Variants in PIWIL1 observed in about 807,000 individuals in gnomAD.
The protein encoded by PIWIL1 is piwi like RNA-mediated gene silencing 1.
A neutral mutation model predicts 114.4 loss-of-function variants in PIWIL1; 73 were observed. That is an observed-to-expected ratio of 0.64 (90% confidence interval 0.53 to 0.78). The LOEUF (loss-of-function observed/expected upper bound fraction) is 0.78, where lower values mean the gene tolerates loss of function less well. Among genes scored for constraint, PIWIL1 ranks in the 30% least tolerant of loss-of-function variants. The pLI, the probability that PIWIL1 is intolerant of heterozygous loss-of-function variation, is 0.00. For synonymous variants in PIWIL1, 375 were observed against 369.0 expected (o/e 1.02, Z -0.19); for missense variants, 723 against 1,063.1 (o/e 0.68, Z 4.45).
At chr12:130,368,291 A>T (rs374751003) in intron 19 of PIWIL1, among the ~76,000 whole-genome samples, 12 of 152,160 alleles carry the variant, frequency 7.9e-5, no homozygotes, top group Admixed American at 3.3e-4. Flanking sequence ...GGCGACTTTA[A>T]GAGGATAAAG....
chr12:130,355,772 G>A (rs554611973), intron 12 of PIWIL1, 105 bp downstream of exon 12: 23 of 774,900 alleles, frequency 3.0e-5, no homozygotes, highest in South Asian at 6.1e-5. Context: ...TGCAAGCTCC[G>A]AGTAAGGCAG....
chr12:130,360,712 C>T (rs1050912377), intron 14 of PIWIL1, among the ~76,000 whole-genome samples: 1 of 152,184 alleles, frequency 6.6e-6, no homozygotes, highest in Admixed American at 6.5e-5. Context: ...AGATCAGGCG[C>T]TCTGTTTTGT....
chr12:130,380,827 CTTG>C, the PIWIL1 span, among the ~76,000 whole-genome samples: 10 of 152,204 alleles, frequency 6.6e-5, no homozygotes, highest in African/African-American at 2.2e-4. Flanking sequence ...GAAAGTCTCT[CTTG>C]TTGTTGGGGT....
intron 3 of PIWIL1, among the ~76,000 whole-genome samples, chr12:130,345,025 C>T (rs2136131542): frequency 6.6e-6 from 1 of 152,280 alleles, no homozygotes; most frequent in Middle Eastern, 3.4e-3. Flanking sequence ...AATTTTAATG[C>T]TTGACTACAA....
At chr12:130,406,133 A>G in the PIWIL1 span, 1 of 1,275,228 alleles carries the variant, frequency 7.8e-7, no homozygotes. Flanking sequence ...ATGAAAATAC[A>G]AAAATCAAAT....
the PIWIL1 span, among the ~76,000 whole-genome samples, chr12:130,386,197 T>G: frequency 6.6e-6 from 1 of 152,178 alleles, no homozygotes; most frequent in Non-Finnish European, 1.5e-5. Context: ...TCATTTTTAC[T>G]TTTAGAAAGG....
At chr12:130,392,436 C>A in the PIWIL1 span, among the ~76,000 whole-genome samples, 1 of 3,606 alleles carries the variant, frequency 2.8e-4, no homozygotes. Flanking sequence ...ACCGTCATCA[C>A]GTGTCTGTCA....
At chr12:130,418,093 C>T in the PIWIL1 span, among the ~76,000 whole-genome samples, 9 of 152,258 alleles carry the variant, frequency 5.9e-5, no homozygotes, top group South Asian at 8.3e-4. Flanking sequence ...AGAACCAAAC[C>T]GTTTGGCCTC....
At chr12:130,373,756 A>G (rs2073845798), downstream of PIWIL1, among the ~76,000 whole-genome samples, 1 of 152,154 alleles carries the variant, frequency 6.6e-6, no homozygotes, top group African/African-American at 2.4e-5. Context: ...CGTCTTGGTT[A>G]TGCCTCTGCT....
At chr12:130,404,386 C>T in the PIWIL1 span, among the ~76,000 whole-genome samples, 3 of 152,180 alleles carry the variant, frequency 2.0e-5, no homozygotes, top group African/African-American at 7.2e-5. Context: ...CAACCTCCAC[C>T]TCCTGGGTTC....
the PIWIL1 span, among the ~76,000 whole-genome samples, chr12:130,400,270 A>G: frequency 6.6e-6 from 1 of 152,184 alleles, no homozygotes; most frequent in Non-Finnish European, 1.5e-5. Flanking sequence ...CTTGAGCGCT[A>G]CTGGTCTACT....
chr12:130,360,612 A>G (rs751926348), intron 14 of PIWIL1, among the ~76,000 whole-genome samples: 9 of 152,182 alleles, frequency 5.9e-5, no homozygotes, highest in Non-Finnish European at 1.2e-4. Context: ...CAGCCTGGGC[A>G]ACAAGAGCAA....
chr12:130,348,304 G>A lies in PIWIL1; in HGVS notation c.734+121G>A, dbSNP rs116642196. 1,314 of 586,120 alleles carry A rather than the reference G, an allele frequency of 2.2e-3. 14 individuals carry two copies. The African/African-American group carries it at 0.023, about 10-fold the overall frequency. The allele number at this position is 586,120 out of a possible 1,614,324, so 36.3% of individuals were successfully genotyped here. On this transcript the variant is annotated intron_variant, in intron 7 of 20. Coordinates refer to ENST00000245255, the MANE Select transcript of PIWIL1 (RefSeq NM_004764.5). ...CTGTTAATGCCGCCCATCACATTAT[G>A]TGACTATTTAACTTGAATAATGAGG...
the PIWIL1 span, among the ~76,000 whole-genome samples, chr12:130,385,913 G>A: frequency 6.6e-6 from 1 of 152,126 alleles, no homozygotes; most frequent in East Asian, 1.9e-4. Context: ...TGATATTTAA[G>A]TTGCAAATCT....
Position 130,356,926 on chromosome 12 carries a change from C to A in PIWIL1, c.1413C>A (p.Tyr471Ter). 6.2e-7 allele frequency: 1 copy of A among 1,606,364 alleles called. No homozygotes were observed. The highest frequency in any genetic ancestry group is 8.5e-7 in the Non-Finnish European group (1 of 1,175,316). The part of the protein sequence containing the change: ...KIHQGGKTFD[Y>*]NPQFADWSKE... The stretch of plus-strand genomic sequence containing the variant: ...TCTGAACTCTCTTCTAGTTTGATTA[C>A]AATCCACAATTTGCAGATTGGTCCA... The change falls in exon 13 of 21, where the codon TAC becomes TAA. Residue 471 changes from tyrosine to a stop codon, truncating the protein, a stop_gained. Coordinates refer to ENST00000245255, the MANE Select transcript of PIWIL1 (RefSeq NM_004764.5). LOFTEE classifies it high-confidence loss of function.
At chr12:130,393,503 G>C in the PIWIL1 span, among the ~76,000 whole-genome samples, 1 of 115,716 alleles carries the variant, frequency 8.6e-6, no homozygotes, top group African/African-American at 2.9e-5. Flanking sequence ...ATGTGGTGAT[G>C]ACCCAGTCAC....
chr12:130,364,683 A>G (rs1181961482), intron 18 of PIWIL1, among the ~76,000 whole-genome samples: 3 of 152,040 alleles, frequency 2.0e-5, no homozygotes, highest in Non-Finnish European at 4.4e-5. Context: ...GCCTTATTGT[A>G]TGTTGTTCTC....
At chr12:130,338,894 A>C (rs1311415911) in intron 1 of PIWIL1, among the ~76,000 whole-genome samples, 1 of 90,838 alleles carries the variant, frequency 1.1e-5, no homozygotes, top group African/African-American at 4.3e-5. Flanking sequence ...GCGAGGTCCC[A>C]GGTGCAGGGG....
At chr12:130,344,693 C>G (rs1301749519) in intron 3 of PIWIL1, among the ~76,000 whole-genome samples, 1 of 152,184 alleles carries the variant, frequency 6.6e-6, no homozygotes, top group Admixed American at 6.5e-5. Context: ...ATTAAGACCT[C>G]TGTTTGGTTC....
Sources: gnomAD v4.1 joint callset for allele counts (sites outside exome capture counted in the v4.1 genomes callset) on GRCh38, gnomAD v4.1.1 for gene constraint, MANE v1.5 for transcripts, NCBI Gene and HGNC (gene_info 2026-07-23, HGNC 2026-07-21) for gene names.